The following PSD3 variants were observed in gnomAD, a reference collection of about 807,000 sequenced individuals.
The protein encoded by PSD3 is pleckstrin and Sec7 domain containing 3.
Under a neutral mutation model 105.5 loss-of-function variants are expected in PSD3, and 49 were observed. The observed-to-expected ratio is 0.46, with a 90% CI of 0.37 to 0.59. The LOEUF (loss-of-function observed/expected upper bound fraction) is 0.59. Among genes scored for constraint, PSD3 ranks in the 20% least tolerant of loss-of-function variants. The pLI is 0.00. For missense variants in PSD3, 1,561 were observed against 1,263.8 expected, an observed-to-expected ratio of 1.24 and a Z score of -3.57; for synonymous variants, 557 against 457.8, an observed-to-expected ratio of 1.22 and a Z score of -2.77.
At chr8:19,025,553 C>A (rs1229224936) in intron 1 of PSD3, among the ~76,000 whole-genome samples, 1 of 152,174 alleles carries the variant, frequency 6.6e-6, no homozygotes, top group Admixed American at 6.5e-5. Flanking sequence ...AGCCTGGGCA[C>A]TGGCCAGGGT....
At chr8:18,536,932 A>G (rs1036571029) in intron 15 of PSD3, among the ~76,000 whole-genome samples, 3 of 152,232 alleles carry the variant, frequency 2.0e-5, no homozygotes, top group African/African-American at 7.2e-5. Flanking sequence ...TTCTAAACCA[A>G]AGAACATGTC....
At position 18,796,656 on chromosome 8, in the gene PSD3, T is replaced by C. The variant is rs566809578; in HGVS notation, c.2082+2639A>G. ...ACCAAGAGCAGCCAAAACAAGTTAA[T>C]CTCCCAAGAGGGGAGTCAGACCTCC... On this transcript the variant is annotated intron_variant, in intron 8 of 15. Transcript: ENST00000327040. Among the ~76,000 whole-genome samples the C allele has an allele frequency of 8.7e-4, 132 of 152,166 alleles. 2 individuals are homozygous for C. The highest frequency in any genetic ancestry group is 5.9e-5 in the Non-Finnish European group (4 of 68,006).
intron 9 of PSD3, among the ~76,000 whole-genome samples, chr8:18,726,021 G>A (rs1195066290): frequency 6.6e-6 from 1 of 152,162 alleles, no homozygotes; most frequent in Admixed American, 6.5e-5. Flanking sequence ...AAGAATCAAT[G>A]CCAAGCCATA....
chr8:18,556,380 G>C, intron 14 of PSD3, 28 bp from the exon 15 acceptor site: 1 of 1,573,444 alleles, frequency 6.4e-7, no homozygotes, highest in Non-Finnish European at 8.6e-7. Context: ...GCCATTTAGC[G>C]TTCAAAAAAA....
At chr8:18,582,833 T>G (rs1212804622) in intron 12 of PSD3, among the ~76,000 whole-genome samples, 1 of 53,878 alleles carries the variant, frequency 1.9e-5, no homozygotes, top group Non-Finnish European at 4.7e-5. Context: ...TTTTTTTTTT[T>G]TTTTTTTTTT....
chr8:18,810,501 G>T (rs1811600399), intron 4 of PSD3, among the ~76,000 whole-genome samples: 1 of 151,832 alleles, frequency 6.6e-6, no homozygotes, highest in Admixed American at 6.6e-5. Context: ...GTATACTATT[G>T]CCCGTTTCAT....
intron 8 of PSD3, among the ~76,000 whole-genome samples, chr8:18,790,726 C>G (rs1809639051): frequency 6.6e-6 from 1 of 152,130 alleles, no homozygotes; most frequent in South Asian, 2.1e-4. Flanking sequence ...TAGAAACCCT[C>G]TGCAACTGTG....
intron 4 of PSD3, among the ~76,000 whole-genome samples, chr8:18,855,114 T>C (rs959964433): frequency 1.3e-5 from 2 of 152,228 alleles, no homozygotes; most frequent in Non-Finnish European, 2.9e-5. Context: ...TTTCCATGCT[T>C]TTCCTGGGGA....
At chr8:18,959,399 A>G (rs1290828933) in intron 1 of PSD3, among the ~76,000 whole-genome samples, 1 of 152,112 alleles carries the variant, frequency 6.6e-6, no homozygotes, top group African/African-American at 2.4e-5. Flanking sequence ...CATACTACCA[A>G]AATAACCCGC....
intron 15 of PSD3, among the ~76,000 whole-genome samples, chr8:18,540,307 TG>T (rs753019429): frequency 3.0e-4 from 45 of 152,212 alleles, no homozygotes; most frequent in Non-Finnish European, 5.3e-4. Flanking sequence ...TTATATGCAC[TG>T]GGAAACAAAA....
chr8:19,066,013 G>T (rs1043513809), intron 1 of PSD3, among the ~76,000 whole-genome samples: 4 of 152,270 alleles, frequency 2.6e-5, no homozygotes, highest in Admixed American at 2.6e-4. Flanking sequence ...TGGGAAATGG[G>T]TTTGAATACC....
At chr8:18,866,407 T>C (rs1398587970) in intron 4 of PSD3, among the ~76,000 whole-genome samples, 2 of 152,220 alleles carry the variant, frequency 1.3e-5, no homozygotes, top group African/African-American at 4.8e-5. Flanking sequence ...TACCATGTCC[T>C]GTGCGAGGTG....
chr8:19,012,791 C>T (rs1366686621), intron 1 of PSD3, among the ~76,000 whole-genome samples: 1 of 152,224 alleles, frequency 6.6e-6, no homozygotes, highest in African/African-American at 2.4e-5. Context: ...CCTACACCAA[C>T]ACCTGGACCC....
intron 2 of PSD3, among the ~76,000 whole-genome samples, chr8:18,876,585 A>C (rs1817748224): frequency 6.6e-6 from 1 of 151,998 alleles, no homozygotes; most frequent in African/African-American, 2.4e-5. Flanking sequence ...CTTTTGGCAG[A>C]GATGGGGTTC....
intron 11 of PSD3, among the ~76,000 whole-genome samples, chr8:18,618,560 TAAAATGATG>T (rs1454496095): frequency 2.0e-4 from 28 of 142,086 alleles, no homozygotes; most frequent in South Asian, 4.8e-4. Context: ...AAACTGTTTC[TAAAATGATG>T]TTATTTTGTA....
At chr8:18,884,298 T>C (rs1044101909) in intron 2 of PSD3, among the ~76,000 whole-genome samples, 1 of 152,194 alleles carries the variant, frequency 6.6e-6, no homozygotes, top group Non-Finnish European at 1.5e-5. Context: ...ATCAATAAAC[T>C]TCACCAGCAA....
At chr8:18,564,337 G>C (rs1380674017) in intron 14 of PSD3, among the ~76,000 whole-genome samples, 2 of 152,098 alleles carry the variant, frequency 1.3e-5, no homozygotes, top group African/African-American at 4.8e-5. Flanking sequence ...TGTAGAATAT[G>C]AAAGACATTG....
chr8:18,603,743 C>T (rs1563368224), intron 11 of PSD3, among the ~76,000 whole-genome samples: 1 of 152,158 alleles, frequency 6.6e-6, no homozygotes, highest in Non-Finnish European at 1.5e-5. Flanking sequence ...TCTCGTGACA[C>T]TGAGTAAGTG....
chr8:18,879,326 C>A (rs1056321590), intron 2 of PSD3, among the ~76,000 whole-genome samples: 12 of 152,108 alleles, frequency 7.9e-5, no homozygotes, highest in Admixed American at 3.9e-4. Context: ...CAAAGCCCTG[C>A]GTGACAGATT....
Sources: allele counts gnomAD v4.1 joint callset (sites outside exome capture counted in the v4.1 genomes callset), GRCh38; gene constraint gnomAD v4.1.1; transcripts MANE v1.5; gene names NCBI Gene and HGNC (gene_info 2026-07-23, HGNC 2026-07-21).